KLHL1: variants seen among roughly 807,000 people sequenced by gnomAD.
KLHL1 encodes kelch-like protein 1.
A neutral mutation model predicts 77.7 loss-of-function variants in KLHL1; 47 were observed. The ratio of observed to expected loss-of-function variants is 0.60; its 90% CI spans 0.48 to 0.77. KLHL1 has a LOEUF of 0.77. Among genes scored for constraint, KLHL1 ranks in the 30% least tolerant of loss-of-function variants. The pLI is 0.00. For missense variants in KLHL1, 925 were observed against 910.8 expected, an observed-to-expected ratio of 1.02 and a Z score of -0.20; for synonymous variants, 360 against 325.2, an observed-to-expected ratio of 1.11 and a Z score of -1.15.
At chr13:69,886,777 T>C (rs1049547946) in intron 4 of KLHL1, among the ~76,000 whole-genome samples, 1 of 152,208 alleles carries the variant, frequency 6.6e-6, no homozygotes, top group African/African-American at 2.4e-5. Context: ...GGAAGTCTAC[T>C]GAGTTAAGAC....
rs1324246935 is a variant in KLHL1 at position 70,084,461 on chromosome 13, C to CTTTTTTTTTTTTTTTTTTTTTTTTTTTTT, written c.497+22741_497+22742insAAAAAAAAAAAAAAAAAAAAAAAAAAAAA. On this transcript the variant is annotated intron_variant, in intron 1 of 10. Coordinates refer to ENST00000377844, the MANE Select transcript of KLHL1 (RefSeq NM_020866.3). Reference sequence around the variant, plus strand: ...GATATTTTCTAGTCTATTTCTTCTTCTTCTTTTTTTTTTTTTGAGACGGAG... The same window carrying CTTTTTTTTTTTTTTTTTTTTTTTTTTTTT: ...GATATTTTCTAGTCTATTTCTTCTTCTTTTTTTTTTTTTTTTTTTTTTTTTTTTTTTCTTTTTTTTTTTTTGAGACGGAG... 3.5e-5 allele frequency among the ~76,000 whole-genome samples: 4 copies of CTTTTTTTTTTTTTTTTTTTTTTTTTTTTT among 115,104 alleles called. 1 individual carries two copies. The highest frequency in any genetic ancestry group is 2.4e-4 in the East Asian group (1 of 4,174). 75.5% of individuals were successfully genotyped at this position (115,104 alleles called of 152,430 possible). A position where few individuals can be genotyped will look rare whatever the true frequency, so the allele number is the denominator to read the frequency against.
intron 1 of KLHL1, among the ~76,000 whole-genome samples, chr13:70,010,541 G>T (rs550379308): frequency 6.6e-6 from 1 of 152,004 alleles, no homozygotes; most frequent in African/African-American, 2.4e-5. Context: ...CCACATGGGG[G>T]TACATAGTAA....
intron 7 of KLHL1, among the ~76,000 whole-genome samples, chr13:69,794,659 A>C (rs1010835284): frequency 6.6e-6 from 1 of 152,076 alleles, no homozygotes; most frequent in African/African-American, 2.4e-5. Flanking sequence ...TAGGAACAGT[A>C]CGTAGCCTAA....
In KLHL1 at chr13:69,746,966, G is replaced by A. The variant is rs141114149; in HGVS notation, c.1640-6410C>T. 5.0e-3 allele frequency among the ~76,000 whole-genome samples: 757 copies of A among 152,160 alleles called. 3 individuals carry two copies. The highest frequency in any genetic ancestry group is 0.018 in the African/African-American group (740 of 41,550). ...TTACTGCCTCTGTCATTCAGAGACT[G>A]TAGCCAGCCCTAGCTGCCAGATTTC... On this transcript the variant is annotated intron_variant, in intron 7 of 10. Coordinates refer to ENST00000377844, the MANE Select transcript of KLHL1 (RefSeq NM_020866.3).
intron 7 of KLHL1, among the ~76,000 whole-genome samples, chr13:69,740,939 G>A (rs775369348): frequency 2.0e-4 from 30 of 152,054 alleles, no homozygotes; most frequent in Non-Finnish European, 3.4e-4. Flanking sequence ...AAGAATCAAA[G>A]GTAAGACGTC....
intron 9 of KLHL1, among the ~76,000 whole-genome samples, chr13:69,714,313 G>C (rs7318401): frequency 0.43 from 65,254 of 151,854 alleles, 14,293 homozygotes; most frequent in African/African-American, 0.49. Flanking sequence ...AGAACAAAAA[G>C]AAAACAAGAA....
chr13:69,996,767 G>A (rs1885162322), intron 1 of KLHL1, among the ~76,000 whole-genome samples: 3 of 152,018 alleles, frequency 2.0e-5, no homozygotes, highest in South Asian at 2.1e-4. Flanking sequence ...AAAACAGCAA[G>A]TATGCTAGAT....
chr13:70,084,622 C>CTTTTTTTTTTTTT lies in KLHL1; in HGVS notation c.497+22568_497+22580dup, dbSNP rs71116988. On this transcript the variant is annotated intron_variant, in intron 1 of 10. Transcript: ENST00000377844. Reference sequence around the variant, plus strand: ...TACAGGCACCTGCCACCACGCCAGGCTTTTTTTTTTTTTTTTTTTTTTTTT... The same window carrying CTTTTTTTTTTTTT: ...TACAGGCACCTGCCACCACGCCAGGCTTTTTTTTTTTTTTTTTTTTTTTTTTTTTTTTTTTTTT... Among the ~76,000 whole-genome samples the CTTTTTTTTTTTTT allele has an allele frequency of 8.0e-3, 120 of 14,932 alleles. 26 individuals are homozygous for CTTTTTTTTTTTTT. Among genetic ancestry groups the CTTTTTTTTTTTTT allele is most frequent in the East Asian group, 0.041 (9 of 218 alleles). The allele number at this position is 14,932 out of a possible 152,430, so 9.8% of individuals were successfully genotyped here.
chr13:69,718,074 A>G (rs917463849), intron 9 of KLHL1, among the ~76,000 whole-genome samples: 2 of 152,162 alleles, frequency 1.3e-5, no homozygotes, highest in African/African-American at 2.4e-5. Context: ...ACTCATCCTT[A>G]GAAAAAAATG....
intron 1 of KLHL1, among the ~76,000 whole-genome samples, chr13:70,009,434 C>A (rs1462667528): frequency 2.0e-5 from 3 of 152,092 alleles, no homozygotes; most frequent in African/African-American, 7.2e-5. Flanking sequence ...ACAAGCTGTA[C>A]AAAATATGTG....
chr13:69,812,117 G>A (rs1446390507), intron 6 of KLHL1, among the ~76,000 whole-genome samples: 2 of 151,796 alleles, frequency 1.3e-5, no homozygotes, highest in African/African-American at 4.8e-5. Context: ...TGTTCTCGTT[G>A]GTTTTAAAGA....
intron 4 of KLHL1, among the ~76,000 whole-genome samples, chr13:69,905,821 G>A (rs536895318): frequency 8.5e-5 from 13 of 152,124 alleles, no homozygotes; most frequent in South Asian, 6.2e-4. Context: ...TTATGCTCAG[G>A]ATCACACGAC....
intron 3 of KLHL1, among the ~76,000 whole-genome samples, chr13:69,956,851 A>C (rs972272099): frequency 3.3e-5 from 5 of 151,704 alleles, no homozygotes; most frequent in African/African-American, 1.2e-4. Context: ...TTTTCAAAAA[A>C]TATTTTGGTG....
intron 4 of KLHL1, among the ~76,000 whole-genome samples, chr13:69,934,958 A>ATGTGTGTATATATATATATATATATATGT (rs1441762190): frequency 2.5e-5 from 2 of 81,536 alleles, no homozygotes; most frequent in East Asian, 5.7e-4. Context: ...GTGTGTGTGC[A>ATGTGTGTATATATATATATATATATATGT]TGTGTATATA....
At chr13:70,039,572 GT>G (rs977713431) in intron 1 of KLHL1, among the ~76,000 whole-genome samples, 7 of 141,554 alleles carry the variant, frequency 4.9e-5, no homozygotes, top group East Asian at 4.2e-4. Context: ...ATTTTATTTA[GT>G]TTTTTTTTCT....
At chr13:69,788,520 G>A (rs976820404) in intron 7 of KLHL1, among the ~76,000 whole-genome samples, 48 of 152,190 alleles carry the variant, frequency 3.2e-4, no homozygotes, top group Middle Eastern at 3.4e-3. Context: ...GTGGGGTCAG[G>A]GGAGGTGGGA....
chr13:69,866,673 AG>A (rs1880375891), intron 5 of KLHL1, among the ~76,000 whole-genome samples: 1 of 152,120 alleles, frequency 6.6e-6, no homozygotes, highest in South Asian at 2.1e-4. Context: ...GAGGATGTGG[AG>A]TAATGGGTTT....
chr13:70,087,231 C>T (rs2137437396), intron 1 of KLHL1, among the ~76,000 whole-genome samples: 1 of 152,182 alleles, frequency 6.6e-6, no homozygotes, highest in South Asian at 2.1e-4. Context: ...GTTTTGTCAA[C>T]TGTGTGAATG....
In KLHL1 at chr13:69,952,447, C is replaced by T. The variant is rs1319218989; in HGVS notation, c.817+8861G>A. 3.3e-5 allele frequency among the ~76,000 whole-genome samples: 5 copies of T among 151,432 alleles called. No individual in the cohort carries two copies. In the South Asian group the frequency reaches 8.3e-4, roughly 25 times the overall value. On this transcript the variant is annotated intron_variant, in intron 3 of 10. Coordinates refer to ENST00000377844, the MANE Select transcript of KLHL1 (RefSeq NM_020866.3). ...TGCATTATCCTCTCCTCTCACCACA[C>T]CTAAACATTCCTTTAGAGAAGAAAA...
Sources: gnomAD v4.1 joint callset for allele counts (sites outside exome capture counted in the v4.1 genomes callset) on GRCh38, gnomAD v4.1.1 for gene constraint, MANE v1.5 for transcripts, NCBI Gene and HGNC (gene_info 2026-07-23, HGNC 2026-07-21) for gene names.